The following CD8B variants were observed in gnomAD, a reference collection of about 807,000 sequenced individuals.
CD8B encodes the protein T-cell surface glycoprotein CD8 beta chain.
In CD8B, 6 loss-of-function variants were observed where a neutral mutation model predicts 24.2. That is an observed-to-expected ratio of 0.25 (90% CI 0.14 to 0.49). CD8B has a LOEUF of 0.49. Ranked by LOEUF, CD8B falls within the 20% of genes least tolerant of loss-of-function variation. The probability of loss-of-function intolerance (pLI) is 0.98; values close to 1 mark genes in which losing one functional copy is unlikely to be tolerated. For synonymous variants in CD8B, 84 were observed against 108.3 expected, an observed-to-expected ratio of 0.78 and a Z score of 1.39; for missense variants, 196 against 271.3, an observed-to-expected ratio of 0.72 and a Z score of 1.95.
At chr2:86,844,733 C>T in intron 5 of CD8B, 189 bp downstream of exon 5, 1 of 1,526,904 alleles carries the variant, frequency 6.5e-7, no homozygotes. Flanking sequence ...GCCTTGAACT[C>T]CTGGGCTCAA....
At chr2:86,860,920 C>G (rs887248827) in intron 1 of CD8B, among the ~76,000 whole-genome samples, 17 of 152,340 alleles carry the variant, frequency 1.1e-4, no homozygotes, top group African/African-American at 4.1e-4. Context: ...GTGTGCTGGA[C>G]ATGGAGCCAG....
chr2:86,829,671 C>T (rs1659594638), intron 5 of CD8B, among the ~76,000 whole-genome samples: 1 of 152,156 alleles, frequency 6.6e-6, no homozygotes, highest in Admixed American at 6.5e-5. Flanking sequence ...TAAACGCTAC[C>T]CTGTAAAATC....
chr2:86,819,066 C>T (rs1674367092), intron 5 of CD8B, among the ~76,000 whole-genome samples: 1 of 152,204 alleles, frequency 6.6e-6, no homozygotes, highest in Non-Finnish European at 1.5e-5. Context: ...TCCCAACTCT[C>T]TTAAATTTTA....
chr2:86,836,638 A>G (rs1008083027), downstream of CD8B, among the ~76,000 whole-genome samples: 4 of 151,802 alleles, frequency 2.6e-5, no homozygotes, highest in African/African-American at 7.3e-5. Flanking sequence ...ATAAAAAAAA[A>G]TTAGCTGGGC....
chr2:86,819,062 C>T (rs755526099), intron 5 of CD8B, among the ~76,000 whole-genome samples: 1 of 152,188 alleles, frequency 6.6e-6, no homozygotes, highest in African/African-American at 2.4e-5. Context: ...AAAGTCCCAA[C>T]TCTCTTAAAT....
chr2:86,840,244 G>A lies in CD8B; in HGVS notation c.*2063C>T, dbSNP rs1242114763. Among the ~76,000 whole-genome samples, 3 of 150,748 alleles carry A rather than the reference G, an allele frequency of 2.0e-5. No homozygotes were observed. The highest frequency in any genetic ancestry group is 4.4e-5 in the Non-Finnish European group (3 of 67,828). On this transcript the variant is annotated 3_prime_UTR_variant, in exon 6 of 6. Transcript: ENST00000390655. ...GAGAAACACCTACGTCTGGGGGCAG[G>A]GAATCTGAGGCCAATTTGTGCTGAC...
Position 86,829,484 on chromosome 2 carries a change from C to T in CD8B, c.621-13766G>A, listed in dbSNP as rs563984743. On this transcript the variant is annotated intron_variant, in intron 5 of 5. Coordinates refer to the CD8B transcript ENST00000331469. ...AGGAGTCAGGCTGGGGGGAGTCAGG[C>T]GGGTGGGAGCAAGGGAAAATAAAAA... Among the ~76,000 whole-genome samples the T allele has an allele frequency of 4.6e-5, 7 of 152,072 alleles. No individual in the cohort carries two copies. In the East Asian group the frequency reaches 5.8e-4, roughly 13 times the overall value.
chr2:86,821,624 C>T (rs918328294), intron 5 of CD8B: 3 of 297,688 alleles, frequency 1.0e-5, no homozygotes, highest in Non-Finnish European at 1.5e-5. Context: ...TGAAGACACT[C>T]GGGGGCCTCC....
At chr2:86,846,990 T>C (rs1335695121) in intron 3 of CD8B, among the ~76,000 whole-genome samples, 1 of 129,080 alleles carries the variant, frequency 7.7e-6, no homozygotes, top group African/African-American at 3.0e-5. Flanking sequence ...CAGGCCGGAG[T>C]GCAGTGGTGC....
At chr2:86,825,007 C>T (rs900444850) in intron 5 of CD8B, among the ~76,000 whole-genome samples, 1 of 152,160 alleles carries the variant, frequency 6.6e-6, no homozygotes, top group African/African-American at 2.4e-5. Flanking sequence ...TTAGTATTTC[C>T]TGAGGATGGA....
intron 5 of CD8B, among the ~76,000 whole-genome samples, chr2:86,819,635 T>C (rs915719568): frequency 6.6e-6 from 1 of 152,212 alleles, no homozygotes; most frequent in East Asian, 1.9e-4. Context: ...TTACTGCTCA[T>C]TGAAAATGTG....
intron 3 of CD8B, among the ~76,000 whole-genome samples, chr2:86,847,028 C>A (rs986050834): frequency 2.7e-5 from 4 of 149,550 alleles, no homozygotes; most frequent in Non-Finnish European, 5.9e-5. Context: ...ACTTCCGCCT[C>A]CTGGGTTCAA....
chr2:86,844,795 A>G, intron 5 of CD8B, 127 bp downstream of exon 5: 1 of 1,542,880 alleles, frequency 6.5e-7, no homozygotes, highest in Non-Finnish European at 8.8e-7. Flanking sequence ...GGTGTGCACT[A>G]CTATGCCCGG....
downstream of CD8B, among the ~76,000 whole-genome samples, chr2:86,837,951 A>C (rs1213031367): frequency 6.6e-6 from 1 of 152,202 alleles, no homozygotes; most frequent in Non-Finnish European, 1.5e-5. Flanking sequence ...CCACGAGCCC[A>C]GCCCCATGTG....
rs1675308446 is a variant in CD8B, at chr2:86,839,272, T to C, written c.*3035A>G. On this transcript the variant is annotated 3_prime_UTR_variant, in exon 6 of 6. Transcript: ENST00000390655. Reference sequence around the variant, plus strand: ...CCGCCTAAACCCCCTTATTAGACTGTGTCTGAATTTATCTGACCAGTCCCT... The same window carrying C: ...CCGCCTAAACCCCCTTATTAGACTGCGTCTGAATTTATCTGACCAGTCCCT... Among the ~76,000 whole-genome samples, 1 of 152,258 alleles carries C rather than the reference T, an allele frequency of 6.6e-6. No homozygotes were observed. Among genetic ancestry groups the C allele is most frequent in the South Asian group, 2.1e-4 (1 of 4,836 alleles).
At chr2:86,850,268 C>G (rs139073635) in intron 3 of CD8B, among the ~76,000 whole-genome samples, 3 of 152,124 alleles carry the variant, frequency 2.0e-5, no homozygotes, top group African/African-American at 7.2e-5. Context: ...CTCATCTTAC[C>G]GGGGCCTCAG....
downstream of CD8B, chr2:86,815,396 GA>G (rs1340956463): frequency 1.9e-6 from 1 of 531,302 alleles, no homozygotes; most frequent in Non-Finnish European, 3.4e-6. Context: ...ATTTATTCAA[GA>G]TGGATACATT....
At chr2:86,833,765 C>A (rs1025098591), downstream of CD8B, among the ~76,000 whole-genome samples, 1 of 151,558 alleles carries the variant, frequency 6.6e-6, no homozygotes, top group African/African-American at 2.4e-5. Flanking sequence ...ACCCTCTTGC[C>A]TCAGCCTTCC....
intron 1 of CD8B, among the ~76,000 whole-genome samples, chr2:86,860,689 T>C (rs11686235): frequency 0.56 from 84,856 of 151,974 alleles, 25,267 homozygotes; most frequent in African/African-American, 0.78. Context: ...ATCCTCTCCC[T>C]GATGGTGGTT....
Sources: gnomAD v4.1 joint callset for allele counts (sites outside exome capture counted in the v4.1 genomes callset) on GRCh38, gnomAD v4.1.1 for gene constraint, MANE v1.5 for transcripts, NCBI Gene and HGNC (gene_info 2026-07-23, HGNC 2026-07-21) for gene names.